TSPAN9: variants seen among roughly 807,000 people sequenced by gnomAD.
The protein encoded by TSPAN9 is tetraspanin 9, also known as tetraspanin-9.
Under a neutral mutation model 31.0 loss-of-function variants are expected in TSPAN9, and 16 were observed. The observed-to-expected ratio is 0.52, with a 90% confidence interval of 0.35 to 0.78. TSPAN9 has a LOEUF of 0.78. Ranked by LOEUF, TSPAN9 falls within the 30% of genes least tolerant of loss-of-function variation. The pLI is 0.01. For missense variants in TSPAN9, 272 were observed against 312.5 expected (o/e 0.87, Z 0.98); for synonymous variants, 145 against 121.6 (o/e 1.19, Z -1.27).
chr12:3,088,213 C>T (rs2098301673), intron 2 of TSPAN9, among the ~76,000 whole-genome samples: 2 of 152,252 alleles, frequency 1.3e-5, no homozygotes, highest in African/African-American at 4.8e-5. Context: ...TTCTAAACAG[C>T]TTTGTTTAAA....
chr12:3,096,873 T>C (rs932801811), intron 2 of TSPAN9, among the ~76,000 whole-genome samples: 9 of 152,000 alleles, frequency 5.9e-5, no homozygotes, highest in African/African-American at 2.2e-4. Context: ...TGTTTTTTTG[T>C]ATTTTTAGTA....
intron 3 of TSPAN9, among the ~76,000 whole-genome samples, chr12:3,204,230 A>G (rs1290948091): frequency 1.3e-5 from 2 of 152,240 alleles, no homozygotes; most frequent in East Asian, 1.9e-4. Flanking sequence ...GGAGCCTACC[A>G]GGTATTTCTC....
intron 1 of TSPAN9, among the ~76,000 whole-genome samples, chr12:3,082,736 T>G (rs3782828): frequency 0.41 from 62,437 of 151,868 alleles, 14,909 homozygotes; most frequent in African/African-American, 0.67. Context: ...AAGGATGAAG[T>G]TGAAGGGGGA....
intron 3 of TSPAN9, among the ~76,000 whole-genome samples, chr12:3,233,124 T>G (rs2153976294): frequency 6.6e-6 from 1 of 152,268 alleles, no homozygotes; most frequent in East Asian, 1.9e-4. Context: ...GTCAAACCGA[T>G]TTTTTCCCTC....
chr12:3,277,110 G>A (rs1862803930), intron 3 of TSPAN9, among the ~76,000 whole-genome samples: 1 of 152,124 alleles, frequency 6.6e-6, no homozygotes, highest in African/African-American at 2.4e-5. Flanking sequence ...ACTTCACGTA[G>A]CTTATTCCAA....
At chr12:3,093,079 A>G (rs1221573406) in intron 2 of TSPAN9, among the ~76,000 whole-genome samples, 2 of 152,194 alleles carry the variant, frequency 1.3e-5, no homozygotes, top group African/African-American at 2.4e-5. Context: ...CCTGAATCAT[A>G]CACATTGTCT....
chr12:3,249,273 C>T (rs1205854455), intron 3 of TSPAN9, among the ~76,000 whole-genome samples: 1 of 152,194 alleles, frequency 6.6e-6, no homozygotes, highest in Non-Finnish European at 1.5e-5. Flanking sequence ...GACCTCACTG[C>T]TCTCTGTTCC....
intron 2 of TSPAN9, among the ~76,000 whole-genome samples, chr12:3,140,297 A>G (rs1048140673): frequency 6.6e-6 from 1 of 152,130 alleles, no homozygotes; most frequent in Admixed American, 6.5e-5. Flanking sequence ...GGTTGGTACC[A>G]AGGAAACTTG....
chr12:3,156,277 G>A lies in TSPAN9; in HGVS notation c.-17-44900G>A, dbSNP rs763804377. 1.4e-3 allele frequency among the ~76,000 whole-genome samples: 207 copies of A among 152,252 alleles called. 2 individuals are homozygous for A. Among genetic ancestry groups the A allele is most frequent in the Non-Finnish European group, 1.1e-3 (78 of 68,024 alleles). On this transcript the variant is annotated intron_variant, in intron 2 of 8. Transcript: ENST00000011898. ...GCAGGGCCAGGACGGATCTCGTTGT[G>A]AATAATAAAGCAAGCTGCCTTCCAG... is the stretch of plus-strand genomic sequence containing the variant.
intron 2 of TSPAN9, among the ~76,000 whole-genome samples, chr12:3,179,474 A>G (rs2098357605): frequency 2.6e-5 from 4 of 152,148 alleles, no homozygotes. Context: ...TGGAGCCTTC[A>G]GATGCGTGAG....
Position 3,170,058 on chromosome 12 carries a change from C to G in TSPAN9, c.-17-31119C>G, listed in dbSNP as rs558070060. ...CTCATCTCTGCTACTTTCTGGCTGC[C>G]GTGACCTTGAGCAAGTCCCTTTACT... On this transcript the variant is annotated intron_variant, in intron 2 of 8. Transcript: ENST00000011898. This position sits in a 1 kb window ranked among gnomAD's most constrained non-coding sequence, Gnocchi z 4.4. Among the ~76,000 whole-genome samples, 1 of 152,234 alleles carries G rather than the reference C, an allele frequency of 6.6e-6. No individual in the cohort carries two copies. Among genetic ancestry groups the G allele is most frequent in the East Asian group, 1.9e-4 (1 of 5,178 alleles).
At chr12:3,250,658 A>T (rs1386243716) in intron 3 of TSPAN9, among the ~76,000 whole-genome samples, 1 of 152,226 alleles carries the variant, frequency 6.6e-6, no homozygotes, top group Non-Finnish European at 1.5e-5. Context: ...TGGCCAGCCC[A>T]TGCTGAGGCC....
intron 2 of TSPAN9, among the ~76,000 whole-genome samples, chr12:3,145,128 C>A (rs535577404): frequency 6.6e-6 from 1 of 152,192 alleles, no homozygotes; most frequent in South Asian, 2.1e-4. Flanking sequence ...GCACACAGTG[C>A]GTGCAGCAGC....
At chr12:3,229,229 G>T (rs2098389423) in intron 3 of TSPAN9, among the ~76,000 whole-genome samples, 1 of 152,196 alleles carries the variant, frequency 6.6e-6, no homozygotes, top group African/African-American at 2.4e-5. Flanking sequence ...CCCATTTCGG[G>T]CCCAGAGAGT....
chr12:3,123,525 G>C (rs954877573), intron 2 of TSPAN9, among the ~76,000 whole-genome samples: 1 of 152,116 alleles, frequency 6.6e-6, no homozygotes, highest in African/African-American at 2.4e-5. Context: ...GGCATTCAGG[G>C]CCTGGGCGAG....
At chr12:3,184,981 TG>T (rs2098360401) in intron 2 of TSPAN9, among the ~76,000 whole-genome samples, 1 of 152,108 alleles carries the variant, frequency 6.6e-6, no homozygotes, top group Admixed American at 6.5e-5. Flanking sequence ...TAAACTCCGC[TG>T]GTTCCTTGGT....
chr12:3,243,909 G>T (rs1476621471), intron 3 of TSPAN9, among the ~76,000 whole-genome samples: 1 of 152,200 alleles, frequency 6.6e-6, no homozygotes, highest in African/African-American at 2.4e-5. Flanking sequence ...TCATCCTGGG[G>T]TTCTGCTGCC....
intron 2 of TSPAN9, among the ~76,000 whole-genome samples, chr12:3,162,621 A>AG (rs374635058): frequency 0.31 from 4,922 of 15,778 alleles, 259 homozygotes; most frequent in African/African-American, 0.35. Context: ...ATGAATGTTT[A>AG]GAAAAAAAAA....
intron 2 of TSPAN9, among the ~76,000 whole-genome samples, chr12:3,132,310 G>A (rs1321179546): frequency 2.6e-5 from 4 of 152,058 alleles, no homozygotes; most frequent in African/African-American, 9.7e-5. Flanking sequence ...GGATCATATG[G>A]TAATTCTATG....
Sources: gnomAD v4.1 joint callset for allele counts (sites outside exome capture counted in the v4.1 genomes callset) on GRCh38, gnomAD v4.1.1 for gene constraint, Gnocchi (gnomAD v3.1) non-coding constraint, MANE v1.5 for transcripts, NCBI Gene and HGNC (gene_info 2026-07-23, HGNC 2026-07-21) for gene names.